The following PPARGC1A variants were observed in gnomAD, a reference collection of about 807,000 sequenced individuals.
The protein encoded by PPARGC1A is PPARG coactivator 1 alpha.
Under a neutral mutation model 88.7 loss-of-function variants are expected in PPARGC1A, and 25 were observed. That is an observed-to-expected ratio of 0.28 (90% CI 0.21 to 0.39). The LOEUF is 0.39. Among genes scored for constraint, PPARGC1A ranks in the 10% least tolerant of loss-of-function variants. The probability of loss-of-function intolerance (pLI) is 1.00; values close to 1 mark genes in which losing one functional copy is unlikely to be tolerated. For missense variants in PPARGC1A, 880 were observed against 968.7 expected (o/e 0.91, Z 1.22); for synonymous variants, 363 against 355.6 (o/e 1.02, Z -0.24).
At chr4:24,232,294 T>C in the PPARGC1A span, among the ~76,000 whole-genome samples, 18 of 152,006 alleles carry the variant, frequency 1.2e-4, no homozygotes, top group Non-Finnish European at 2.1e-4. Context: ...CGAAATCACA[T>C]CGTTCCCTTC....
At chr4:24,136,043 G>A in the PPARGC1A span, among the ~76,000 whole-genome samples, 2 of 152,130 alleles carry the variant, frequency 1.3e-5, no homozygotes, top group Non-Finnish European at 2.9e-5. Flanking sequence ...TGGCAGGCAC[G>A]GTTCCCTTGG....
the PPARGC1A span, among the ~76,000 whole-genome samples, chr4:24,256,437 A>G: frequency 1.3e-5 from 2 of 152,206 alleles, no homozygotes; most frequent in Middle Eastern, 3.2e-3. Context: ...CTTCAGCCCA[A>G]TGACAGTTAG....
chr4:24,324,973 C>T, the PPARGC1A span, among the ~76,000 whole-genome samples: 6 of 152,210 alleles, frequency 3.9e-5, no homozygotes, highest in South Asian at 2.1e-4. Flanking sequence ...ACCTCCCCTC[C>T]TCACACCTGG....
chr4:23,814,280 T>C lies in PPARGC1A; in HGVS notation c.1203A>G (p.Ser401=). The C allele has an allele frequency of 1.2e-6, 2 of 1,613,908 alleles. No homozygotes were observed. Among genetic ancestry groups the C allele is most frequent in the South Asian group, 2.2e-5 (2 of 91,062 alleles). Residue 401 remains serine (S), a synonymous_variant, in exon 8 of 13, where the codon TCA becomes TCG. Transcript: ENST00000264867. ...NSKTEILINI[S]QELQDSRQLE... The stretch of plus-strand genomic sequence containing the variant: ...GTTGTCTAGAGTCTTGGAGCTCCTG[T>C]GATATATTAATGAGTATTTCTGTTT...
chr4:24,213,097 T>C, the PPARGC1A span, among the ~76,000 whole-genome samples: 8 of 151,742 alleles, frequency 5.3e-5, no homozygotes, highest in Admixed American at 5.3e-4. Flanking sequence ...AATCTAGTCT[T>C]GGAAACCCAC....
At chr4:24,311,987 C>T in the PPARGC1A span, among the ~76,000 whole-genome samples, 1 of 152,182 alleles carries the variant, frequency 6.6e-6, no homozygotes, top group African/African-American at 2.4e-5. Context: ...AAGGACCTTC[C>T]ACAATCCCCC....
the PPARGC1A span, among the ~76,000 whole-genome samples, chr4:24,395,064 G>C: frequency 1.3e-5 from 2 of 152,142 alleles, no homozygotes; most frequent in African/African-American, 4.8e-5. Flanking sequence ...AAATACCTGG[G>C]TTCAAGTCCT....
chr4:24,146,456 T>C, the PPARGC1A span, among the ~76,000 whole-genome samples: 1 of 152,202 alleles, frequency 6.6e-6, no homozygotes, highest in African/African-American at 2.4e-5. Flanking sequence ...GTGTCCCTGC[T>C]CTATCAATGT....
At chr4:24,089,500 CTTTTCTTTTCTTTCT>C in the PPARGC1A span, among the ~76,000 whole-genome samples, 11 of 94,254 alleles carry the variant, frequency 1.2e-4, no homozygotes, top group Non-Finnish European at 2.2e-4. Flanking sequence ...CTTTTCTTTT[CTTTTCTTTTCTTTCT>C]TTTTTTTTTT....
chr4:24,286,681 C>T, the PPARGC1A span, among the ~76,000 whole-genome samples: 2 of 152,234 alleles, frequency 1.3e-5, no homozygotes, highest in Admixed American at 6.5e-5. Context: ...TTCCTCCACA[C>T]TCCTTATGTA....
Position 23,813,030 on chromosome 4 carries a change from C to A in PPARGC1A, c.1889G>T (p.Arg630Leu), listed in dbSNP as rs372413128. 1 of 1,613,908 alleles carries A rather than the reference C, an allele frequency of 6.2e-7. No homozygotes were observed. The highest frequency in any genetic ancestry group is 1.3e-5 in the African/African-American group (1 of 74,978). Residue 630 changes from arginine (R) to leucine (L), a missense_variant, in exon 9 of 13, where the codon CGT becomes CTT. By Grantham distance (102) the Arg-to-Leu change is moderately radical. Coordinates refer to ENST00000264867, the MANE Select transcript of PPARGC1A (RefSeq NM_013261.5). The stretch of plus-strand genomic sequence containing the variant: ...TGACATGCCTCATTACCTGGGCCGA[C>A]GGCTGTAGGGCGATCTTGAACGTGA... ...VRSRSRSPYS[R>L]RPRYDSYEEY...
At chr4:24,016,089 A>T in the PPARGC1A span, among the ~76,000 whole-genome samples, 1 of 152,238 alleles carries the variant, frequency 6.6e-6, no homozygotes, top group African/African-American at 2.4e-5. Context: ...GAACAATATG[A>T]AGCCAAAATG....
At chr4:24,270,739 C>A in the PPARGC1A span, among the ~76,000 whole-genome samples, 1 of 152,152 alleles carries the variant, frequency 6.6e-6, no homozygotes, top group African/African-American at 2.4e-5. Flanking sequence ...AGCTCCTATT[C>A]CTTTTGGTCA....
At chr4:24,196,021 TG>T in the PPARGC1A span, among the ~76,000 whole-genome samples, 9 of 152,168 alleles carry the variant, frequency 5.9e-5, no homozygotes, top group Non-Finnish European at 1.2e-4. Context: ...AAAGAGGCCA[TG>T]GGGTTTCTCT....
chr4:24,276,453 G>C, the PPARGC1A span, among the ~76,000 whole-genome samples: 1 of 152,142 alleles, frequency 6.6e-6, no homozygotes, highest in South Asian at 2.1e-4. Flanking sequence ...AGGTCCTTGA[G>C]TCCTATTCTA....
chr4:23,999,075 T>C, the PPARGC1A span, among the ~76,000 whole-genome samples: 1 of 152,190 alleles, frequency 6.6e-6, no homozygotes, highest in African/African-American at 2.4e-5. Context: ...TATGTTTCGT[T>C]TGGGCTGGTT....
the PPARGC1A span, among the ~76,000 whole-genome samples, chr4:24,193,768 G>T: frequency 6.6e-6 from 1 of 152,144 alleles, no homozygotes; most frequent in Admixed American, 6.5e-5. Context: ...CAGGCAATGT[G>T]CCTTTTCTCT....
At chr4:24,067,636 G>A in the PPARGC1A span, among the ~76,000 whole-genome samples, 1 of 152,190 alleles carries the variant, frequency 6.6e-6, no homozygotes, top group Admixed American at 6.5e-5. Context: ...GGAAAGCCTA[G>A]GGAATTAGAT....
At chr4:23,841,342 ATAT>A (rs1727019109) in intron 2 of PPARGC1A, among the ~76,000 whole-genome samples, 1 of 152,136 alleles carries the variant, frequency 6.6e-6, no homozygotes, top group Non-Finnish European at 1.5e-5. Context: ...CTGGGAATAT[ATAT>A]TAATCTTATC....
Sources: gnomAD v4.1 joint callset for allele counts (sites outside exome capture counted in the v4.1 genomes callset) on GRCh38, gnomAD v4.1.1 for gene constraint, MANE v1.5 for transcripts, NCBI Gene and HGNC (gene_info 2026-07-23, HGNC 2026-07-21) for gene names.